CNBD1: variants seen among roughly 807,000 people sequenced by gnomAD.
CNBD1 encodes cyclic nucleotide-binding domain-containing protein 1.
Under a neutral mutation model 54.4 loss-of-function variants are expected in CNBD1, and 71 were observed. That is an observed-to-expected ratio of 1.30 (90% CI 1.08 to 1.59). The LOEUF is 1.59. Among genes scored for constraint, CNBD1 ranks in the 40% most tolerant of loss-of-function variants. The pLI is 0.00. For missense variants in CNBD1, 659 were observed against 518.0 expected, an observed-to-expected ratio of 1.27 and a Z score of -2.64; for synonymous variants, 182 against 170.7, an observed-to-expected ratio of 1.07 and a Z score of -0.51.
In CNBD1 at chr8:87,381,601, T is replaced by G. The variant is rs765821737; in HGVS notation, c.1304-1019T>G. Among the ~76,000 whole-genome samples the G allele has an allele frequency of 5.9e-5, 9 of 151,942 alleles. No homozygotes were observed. The East Asian group carries it at 7.7e-4, about 13-fold the overall frequency. ...ATGTTAATTGCAGCATTATGCATAA[T>G]AGCTAATATGTGGGAAATCTATTGA... On this transcript the variant is annotated intron_variant, in intron 10 of 10. Coordinates refer to ENST00000518476, the MANE Select transcript of CNBD1 (RefSeq NM_173538.3).
intron 4 of CNBD1, among the ~76,000 whole-genome samples, chr8:87,142,684 G>T (rs1438099361): frequency 6.6e-6 from 1 of 152,084 alleles, no homozygotes; most frequent in Non-Finnish European, 1.5e-5. Flanking sequence ...GAATTAATCA[G>T]TTTGTGATAT....
chr8:86,944,350 C>G (rs918707625), intron 4 of CNBD1, among the ~76,000 whole-genome samples: 6 of 152,106 alleles, frequency 3.9e-5, no homozygotes, highest in African/African-American at 1.4e-4. Flanking sequence ...CCTCATGGAG[C>G]TTACATTCTA....
At chr8:87,024,994 T>C (rs940325062) in intron 4 of CNBD1, among the ~76,000 whole-genome samples, 2 of 152,186 alleles carry the variant, frequency 1.3e-5, no homozygotes, top group African/African-American at 2.4e-5. Context: ...TTTCTGTGTA[T>C]ATTAGGCCAA....
At chr8:87,400,015 C>A (rs1226499149) in intron 2 of CNBD1, among the ~76,000 whole-genome samples, 2 of 151,802 alleles carry the variant, frequency 1.3e-5, no homozygotes, top group African/African-American at 2.4e-5. Context: ...CCCCCAAATA[C>A]ATGTTGTCTA....
At chr8:87,356,988 C>T (rs1810432829) in intron 10 of CNBD1, among the ~76,000 whole-genome samples, 1 of 152,162 alleles carries the variant, frequency 6.6e-6, no homozygotes, top group Admixed American at 6.5e-5. Flanking sequence ...TCAAACAGCC[C>T]CAGATACAGC....
intron 4 of CNBD1, among the ~76,000 whole-genome samples, chr8:87,024,080 TA>T (rs948321353): frequency 1.2e-3 from 175 of 149,250 alleles, no homozygotes; most frequent in African/African-American, 4.1e-3. Flanking sequence ...TACTAAAAAT[TA>T]AAAAAAAATT....
intron 4 of CNBD1, among the ~76,000 whole-genome samples, chr8:87,052,441 G>A (rs1810330391): frequency 6.6e-6 from 1 of 152,214 alleles, no homozygotes; most frequent in African/African-American, 2.4e-5. Context: ...AGATAGCTTA[G>A]AGTAGTTAAG....
At chr8:87,323,959 T>A (rs1809601958) in intron 8 of CNBD1, among the ~76,000 whole-genome samples, 1 of 138,660 alleles carries the variant, frequency 7.2e-6, no homozygotes, top group South Asian at 2.2e-4. Flanking sequence ...TAGCTCTTAT[T>A]ATTTTGAAAT....
At chr8:87,385,947 G>C (rs757328255), downstream of CNBD1, among the ~76,000 whole-genome samples, 2 of 152,116 alleles carry the variant, frequency 1.3e-5, no homozygotes, top group African/African-American at 4.8e-5. Context: ...GGCAGCAACA[G>C]TTGCTGTTCA....
intron 4 of CNBD1, among the ~76,000 whole-genome samples, chr8:87,136,183 A>G (rs536393694): frequency 6.6e-6 from 1 of 152,124 alleles, no homozygotes; most frequent in East Asian, 1.9e-4. Flanking sequence ...TCATAAGGGA[A>G]TACTTGATTC....
chr8:87,183,058 T>C (rs1813390642), intron 4 of CNBD1, among the ~76,000 whole-genome samples: 1 of 152,168 alleles, frequency 6.6e-6, no homozygotes, highest in Admixed American at 6.5e-5. Flanking sequence ...CTTTAATTGA[T>C]TTTGAGTTGA....
At chr8:87,193,531 A>C (rs1276758493) in intron 4 of CNBD1, among the ~76,000 whole-genome samples, 3 of 152,208 alleles carry the variant, frequency 2.0e-5, no homozygotes, top group African/African-American at 4.8e-5. Context: ...GACAGGACAT[A>C]GAGATATTTT....
chr8:86,884,100 C>T (rs1446001197), intron 1 of CNBD1, among the ~76,000 whole-genome samples: 3 of 151,020 alleles, frequency 2.0e-5, no homozygotes, highest in African/African-American at 4.9e-5. Context: ...TGCAGTGAGC[C>T]GAGATCCCGC....
chr8:87,030,837 C>CCT (rs141776935), intron 4 of CNBD1, among the ~76,000 whole-genome samples: 40 of 115,356 alleles, frequency 3.5e-4, no homozygotes, highest in African/African-American at 1.4e-3. Flanking sequence ...TCCCCTTCTC[C>CCT]CCCCTCCCCT....
At chr8:87,061,833 G>C (rs1810554184) in intron 4 of CNBD1, among the ~76,000 whole-genome samples, 1 of 152,186 alleles carries the variant, frequency 6.6e-6, no homozygotes, top group Non-Finnish European at 1.5e-5. Flanking sequence ...CTGGCAGAGG[G>C]TCACATGATT....
intron 2 of CNBD1, among the ~76,000 whole-genome samples, chr8:87,413,539 ATTC>A (rs1350631870): frequency 1.3e-5 from 2 of 152,040 alleles, no homozygotes; most frequent in Non-Finnish European, 2.9e-5. Flanking sequence ...AGTGTTCCAA[ATTC>A]TTCTTTTTTG....
At chr8:87,130,774 C>T (rs1812101680) in intron 4 of CNBD1, among the ~76,000 whole-genome samples, 2 of 140,878 alleles carry the variant, frequency 1.4e-5, no homozygotes, top group Admixed American at 7.0e-5. Flanking sequence ...AAGATCCTGT[C>T]TCAAAAAAAA....
Position 87,163,716 on chromosome 8 carries a change from T to A in CNBD1, c.432-42277T>A, listed in dbSNP as rs889467567. ...AGTTCTAACAGTTTTTTTGTTGGCGTCTTTAGGGTTTTTTTTAAATATAAG... is the reference window on the plus strand; with the variant it reads ...AGTTCTAACAGTTTTTTTGTTGGCGACTTTAGGGTTTTTTTTAAATATAAG... On this transcript the variant is annotated intron_variant, in intron 4 of 10. Coordinates refer to ENST00000518476, the MANE Select transcript of CNBD1 (RefSeq NM_173538.3). The surrounding 1 kb of genome is among the most constrained non-coding windows in gnomAD (Gnocchi z 4.5). 1.3e-5 allele frequency among the ~76,000 whole-genome samples: 2 copies of A among 151,892 alleles called. No individual in the cohort carries two copies. Among genetic ancestry groups the A allele is most frequent in the African/African-American group, 2.4e-5 (1 of 41,442 alleles).
intron 4 of CNBD1, among the ~76,000 whole-genome samples, chr8:86,957,217 G>C (rs1344561259): frequency 6.6e-6 from 1 of 152,132 alleles, no homozygotes; most frequent in Admixed American, 6.6e-5. Flanking sequence ...ATGAGCTGCT[G>C]GATTCAGTTT....
Sources: gnomAD v4.1 joint callset for allele counts (sites outside exome capture counted in the v4.1 genomes callset) on GRCh38, gnomAD v4.1.1 for gene constraint, Gnocchi (gnomAD v3.1) non-coding constraint, MANE v1.5 for transcripts, NCBI Gene and HGNC (gene_info 2026-07-23, HGNC 2026-07-21) for gene names.